RALYL: variants seen among roughly 807,000 people sequenced by gnomAD.
RALYL encodes RNA-binding Raly-like protein.
Under a neutral mutation model 35.1 loss-of-function variants are expected in RALYL, and 29 were observed. That is an observed-to-expected ratio of 0.83 (90% CI 0.61 to 1.13). The LOEUF is 1.13. RALYL is among the 50% of genes most tolerant of loss of function. RALYL has a pLI of 0.00. For missense variants in RALYL, 359 were observed against 360.4 expected (o/e 1.00, Z 0.03); for synonymous variants, 120 against 127.6 (o/e 0.94, Z 0.40).
chr8:84,477,035 G>A (rs1376549885), intron 1 of RALYL, among the ~76,000 whole-genome samples: 1 of 151,994 alleles, frequency 6.6e-6, no homozygotes, highest in Admixed American at 6.6e-5. Flanking sequence ...CTCACACAGG[G>A]CAAAAAACAT....
At chr8:84,358,218 T>C (rs1370502811) in intron 1 of RALYL, among the ~76,000 whole-genome samples, 2 of 152,010 alleles carry the variant, frequency 1.3e-5, no homozygotes, top group Admixed American at 6.6e-5. Flanking sequence ...GTCATTGAAA[T>C]ACCAAGTCAT....
chr8:84,486,755 T>C (rs995155160), intron 1 of RALYL, among the ~76,000 whole-genome samples: 4 of 152,106 alleles, frequency 2.6e-5, no homozygotes, highest in Non-Finnish European at 5.9e-5. Flanking sequence ...GTTTTCTTTT[T>C]ATAATTACAA....
In RALYL at chr8:84,921,528, T is replaced by C. The variant is rs1849313236; in HGVS notation, c.*617T>C. 1 of 152,204 alleles carries C rather than the reference T, an allele frequency of 6.6e-6. No individual in the cohort carries two copies. The highest frequency in any genetic ancestry group is 2.4e-5 in the African/African-American group (1 of 41,460). The allele number at this position is 152,204 out of a possible 1,614,324, so 9.4% of individuals were successfully genotyped here. Reference sequence around the variant, plus strand: ...ACTGTTGGTTTGATCTGTGATTAAGTTGAGCATGCTCCGCTCTACTGAACT... The same window carrying C: ...ACTGTTGGTTTGATCTGTGATTAAGCTGAGCATGCTCCGCTCTACTGAACT... On this transcript the variant is annotated 3_prime_UTR_variant, in exon 9 of 9. Transcript: ENST00000521268.
chr8:84,397,432 GT>G (rs1330212603), intron 1 of RALYL, among the ~76,000 whole-genome samples: 1 of 152,024 alleles, frequency 6.6e-6, no homozygotes, highest in Non-Finnish European at 1.5e-5. Flanking sequence ...AAAATGCCAG[GT>G]TTTTTCCCCA....
chr8:84,880,053 T>C (rs1586934467), intron 7 of RALYL, among the ~76,000 whole-genome samples: 1 of 152,112 alleles, frequency 6.6e-6, no homozygotes, highest in Non-Finnish European at 1.5e-5. Context: ...TGGGGGATGT[T>C]GGAGGAGGAT....
chr8:84,670,411 CCAAA>C lies in RALYL; in HGVS notation c.257-104163_257-104160del, dbSNP rs201333941. On this transcript the variant is annotated intron_variant, in intron 2 of 8. Coordinates refer to ENST00000521268, the MANE Select transcript of RALYL (RefSeq NM_173848.7). ...AGAAATGTCAGACATCTGATCTCCC[CCAAA>C]CAAAGTGATGATTATAAAAATTATG... Among the ~76,000 whole-genome samples, 1,370 of 152,232 alleles carry C rather than the reference CCAAA, an allele frequency of 9.0e-3. 20 individuals are homozygous for C. Among genetic ancestry groups the C allele is most frequent in the African/African-American group, 0.031 (1,275 of 41,536 alleles).
At chr8:84,539,886 ATGTGTG>A (rs371636213) in intron 2 of RALYL, among the ~76,000 whole-genome samples, 1 of 86,882 alleles carries the variant, frequency 1.2e-5, no homozygotes, top group African/African-American at 4.6e-5. Context: ...ATGTATATAT[ATGTGTG>A]TGTGTGTGTG....
rs1053647755 is a variant in RALYL at position 84,342,295 on chromosome 8, T to TATATATATATATAAAA, written c.-24+157872_-24+157873insTATATATATATAAAAA. Among the ~76,000 whole-genome samples, 5 of 119,738 alleles carry TATATATATATATAAAA rather than the reference T, an allele frequency of 4.2e-5. 1 individual carries two copies. The highest frequency in any genetic ancestry group is 1.9e-4 in the African/African-American group (5 of 26,688). The allele number at this position is 119,738 out of a possible 152,430, so 78.6% of individuals were successfully genotyped here. ...ATCGTTCAATATATATATATATATA[T>TATATATATATATAAAA]AAAACTCAAAAAGTGTGGTCCTCCC... is the stretch of plus-strand genomic sequence containing the variant. On this transcript the variant is annotated intron_variant, in intron 1 of 8. Transcript: ENST00000521268.
intron 8 of RALYL, among the ~76,000 whole-genome samples, chr8:84,900,875 T>C (rs1346289): frequency 0.46 from 70,283 of 152,006 alleles, 19,199 homozygotes; most frequent in African/African-American, 0.75. Flanking sequence ...AAGACTATTG[T>C]AGTAAGAGAG....
chr8:84,488,591 T>C (rs1225822269), intron 1 of RALYL, among the ~76,000 whole-genome samples: 1 of 151,982 alleles, frequency 6.6e-6, no homozygotes, highest in Non-Finnish European at 1.5e-5. Flanking sequence ...TCCTGTACAA[T>C]CATTTCCATA....
chr8:84,395,150 T>C (rs1861519415), intron 1 of RALYL, among the ~76,000 whole-genome samples: 1 of 151,852 alleles, frequency 6.6e-6, no homozygotes, highest in Non-Finnish European at 1.5e-5. Context: ...TTTTTTCTGT[T>C]GGAATATTAG....
intron 1 of RALYL, among the ~76,000 whole-genome samples, chr8:84,244,934 G>T (rs994404201): frequency 6.6e-6 from 1 of 152,126 alleles, no homozygotes; most frequent in Non-Finnish European, 1.5e-5. Context: ...AGAGACAAAA[G>T]ACTTTATTAA....
chr8:84,398,884 G>A (rs2042603634), intron 1 of RALYL, among the ~76,000 whole-genome samples: 1 of 150,974 alleles, frequency 6.6e-6, no homozygotes, highest in African/African-American at 2.4e-5. Flanking sequence ...TGAGACAGGA[G>A]AATTGCTTGA....
chr8:84,313,296 G>A (rs1457366016), intron 1 of RALYL, among the ~76,000 whole-genome samples: 1 of 152,176 alleles, frequency 6.6e-6, no homozygotes, highest in Non-Finnish European at 1.5e-5. Context: ...CTGTCTCAAA[G>A]ATCTCTGACA....
chr8:84,777,729 C>T (rs1325326858), intron 3 of RALYL, among the ~76,000 whole-genome samples: 1 of 152,144 alleles, frequency 6.6e-6, no homozygotes, highest in Non-Finnish European at 1.5e-5. Context: ...GCAAGCTCCG[C>T]CTTCCAGGTT....
intron 2 of RALYL, among the ~76,000 whole-genome samples, chr8:84,584,566 G>A (rs940666047): frequency 1.3e-5 from 2 of 150,280 alleles, no homozygotes; most frequent in African/African-American, 4.9e-5. Context: ...TTGTGCCACT[G>A]CACTCCAGCC....
chr8:84,507,585 G>A (rs1478908491), intron 1 of RALYL, among the ~76,000 whole-genome samples: 2 of 152,110 alleles, frequency 1.3e-5, no homozygotes, highest in South Asian at 2.1e-4. Context: ...GTCTCATTAA[G>A]CACGTAGAGT....
chr8:84,574,560 C>T (rs1026428257), intron 2 of RALYL, among the ~76,000 whole-genome samples: 2 of 152,070 alleles, frequency 1.3e-5, no homozygotes, highest in South Asian at 2.1e-4. Context: ...CTCTCTCTAC[C>T]TTTCACACCT....
chr8:84,711,675 G>A, intron 2 of RALYL, among the ~76,000 whole-genome samples: 1 of 152,100 alleles, frequency 6.6e-6, no homozygotes, highest in East Asian at 1.9e-4. Context: ...TGTAAAATTG[G>A]TCTCTCAGTG....
Sources: gnomAD v4.1 joint callset for allele counts (sites outside exome capture counted in the v4.1 genomes callset) on GRCh38, gnomAD v4.1.1 for gene constraint, MANE v1.5 for transcripts, NCBI Gene and HGNC (gene_info 2026-07-23, HGNC 2026-07-21) for gene names.